TAC4: variants seen among roughly 807,000 people sequenced by gnomAD.
TAC4 encodes tachykinin-4.
TAC4 carries 17 observed loss-of-function variants against 17.7 expected under a neutral mutation model. The ratio of observed to expected loss-of-function variants is 0.96; its 90% CI spans 0.66 to 1.44. The LOEUF (loss-of-function observed/expected upper bound fraction) is 1.44. TAC4 is among the 40% of genes most tolerant of loss of function. The pLI, the probability that TAC4 is intolerant of heterozygous loss-of-function variation, is 0.00. For synonymous variants in TAC4, 62 were observed against 52.4 expected, an observed-to-expected ratio of 1.18 and a Z score of -0.79; for missense variants, 118 against 125.6, an observed-to-expected ratio of 0.94 and a Z score of 0.29.
chr17:49,846,918 C>T, intron 1 of TAC4: 1 of 1,270,606 alleles, frequency 7.9e-7, no homozygotes, highest in African/African-American at 1.5e-5. Context: ...TCACTTCCCT[C>T]CTCCGTTTTG....
chr17:49,842,270 C>T (rs1009169126), intron 2 of TAC4, among the ~76,000 whole-genome samples: 1 of 151,954 alleles, frequency 6.6e-6, no homozygotes, highest in African/African-American at 2.4e-5. Context: ...TTGGCTCACA[C>T]CTGTAATCCC....
In TAC4 at chr17:49,839,869, CTT is replaced by C; in HGVS notation, c.271_272del (p.Lys91GlufsTer11). 7.4e-6 allele frequency: 12 copies of C among 1,612,232 alleles called. No individual in the cohort carries two copies. Among genetic ancestry groups the C allele is most frequent in the Non-Finnish European group, 1.0e-5 (12 of 1,179,192 alleles). On this transcript the variant is annotated frameshift_variant, in exon 4 of 5. Coordinates refer to ENST00000436235, the MANE Select transcript of TAC4 (RefSeq NM_001077506.2). LOFTEE classifies it high-confidence loss of function. ...GCCTACCTTCTGTGAACAGGCTTCT[CTT>C]GCCCAGGAGGCCCTGGAACGTGTGT... ...LEHTFQGLLG[K>X]RSLFTEGRED... is the part of the protein sequence containing the mutation.
rs61625769 is a variant in TAC4 at position 49,838,597 on chromosome 17, G to C, written c.*45C>G. ...CTTGTCAGCTGTGACATCCAGGTAG[G>C]AAGAAGCGGCACCGTGTCCTCTGGG... On this transcript the variant is annotated 3_prime_UTR_variant, in exon 5 of 5. Coordinates refer to ENST00000436235, the MANE Select transcript of TAC4 (RefSeq NM_001077506.2). The C allele has an allele frequency of 5.8e-3, 9,299 of 1,613,170 alleles. 479 individuals carry two copies. In the East Asian group the frequency reaches 0.14, roughly 24 times the overall value.
chr17:49,846,389 G>A (rs925963723), intron 1 of TAC4: 5 of 458,298 alleles, frequency 1.1e-5, no homozygotes, highest in East Asian at 8.5e-5. Flanking sequence ...TGATCCTCCC[G>A]CCTCAGCCTT....
intron 1 of TAC4, among the ~76,000 whole-genome samples, chr17:49,844,979 G>A (rs4794068): frequency 0.23 from 35,506 of 152,152 alleles, 4,605 homozygotes; most frequent in East Asian, 0.48. Context: ...AAGGTCACAC[G>A]GGAAGAGGCT....
At chr17:49,847,197 T>C (rs1268854483) in intron 1 of TAC4, 2 of 1,290,184 alleles carry the variant, frequency 1.6e-6, no homozygotes, top group East Asian at 5.5e-5. Flanking sequence ...CCTTGTCCTG[T>C]CTGCCCCCCT....
intron 2 of TAC4, among the ~76,000 whole-genome samples, chr17:49,842,238 A>G (rs2074503865): frequency 6.6e-6 from 1 of 152,092 alleles, no homozygotes; most frequent in Admixed American, 6.6e-5. Flanking sequence ...TTGGAAAAGA[A>G]GTTTGAAATG....
chr17:49,847,206 CT>C (rs749664702), intron 1 of TAC4: 21 of 1,290,236 alleles, frequency 1.6e-5, no homozygotes, highest in South Asian at 6.2e-5. Flanking sequence ...GTCTGCCCCC[CT>C]GGAAGCCTTC....
chr17:49,843,891 A>T (rs564967913), intron 2 of TAC4, among the ~76,000 whole-genome samples, 173 bp downstream of exon 2: 1 of 152,180 alleles, frequency 6.6e-6, no homozygotes, highest in East Asian at 1.9e-4. Flanking sequence ...ACTGCCCCCC[A>T]GCCTGGATGA....
intron 2 of TAC4, among the ~76,000 whole-genome samples, 169 bp from the exon 3 acceptor site, chr17:49,841,753 G>A (rs1167100347): frequency 6.6e-6 from 1 of 152,040 alleles, no homozygotes; most frequent in African/African-American, 2.4e-5. Context: ...CTGGTAGGGG[G>A]CAGTGTGGAG....
At position 49,844,101 on chromosome 17, in the gene TAC4, T is replaced by C; in HGVS notation, c.162A>G (p.Ala54=). 1.2e-6 allele frequency: 2 copies of C among 1,614,020 alleles called. No individual in the cohort carries two copies. Among genetic ancestry groups the C allele is most frequent in the Non-Finnish European group, 1.7e-6 (2 of 1,179,856 alleles). The change falls in exon 2 of 5, where the codon GCA becomes GCG. Residue 54 remains alanine, a synonymous_variant. Transcript: ENST00000436235. ...LQLQEVKTGK[A]SQFFGLMGKR... is the part of the protein sequence containing the mutation. ...TCCCCATCAGCCCAAAGAACTGGCT[T>C]GCCTTGCCCGTCTTCACCTCCTGCA...
At chr17:49,840,154 C>T (rs777506412) in intron 3 of TAC4, among the ~76,000 whole-genome samples, 43 of 152,246 alleles carry the variant, frequency 2.8e-4, no homozygotes, top group Non-Finnish European at 6.2e-4. Context: ...TCTCCCTTCA[C>T]AAACGCCTGG....
At chr17:49,840,858 A>T (rs544185601) in intron 3 of TAC4, among the ~76,000 whole-genome samples, 1 of 148,694 alleles carries the variant, frequency 6.7e-6, no homozygotes, top group East Asian at 2.0e-4. Flanking sequence ...TGAAAGATTT[A>T]AGCAGAGTAG....
In TAC4 at chr17:49,844,059, C is replaced by G; in HGVS notation, c.199+5G>C. On this transcript the variant is annotated splice_donor_5th_base_variant and intron_variant, in intron 2 of 4. Coordinates refer to ENST00000436235, the MANE Select transcript of TAC4 (RefSeq NM_001077506.2). ...TTGCTGGGCTCCATTGTCATTGTCA[C>G]TCACCTCCCACTCGCTTCCCCATCA... 3.8e-6 allele frequency: 6 copies of G among 1,596,912 alleles called. No individual in the cohort carries two copies. Among genetic ancestry groups the G allele is most frequent in the Non-Finnish European group, 5.1e-6 (6 of 1,178,912 alleles).
chr17:49,840,533 G>A (rs1567873627), intron 3 of TAC4, among the ~76,000 whole-genome samples: 2 of 151,992 alleles, frequency 1.3e-5, no homozygotes, highest in African/African-American at 4.8e-5. Context: ...ATGGAGTCTC[G>A]CTCTTGTCGC....
At chr17:49,846,909 C>A in intron 1 of TAC4, 2 of 1,247,362 alleles carry the variant, frequency 1.6e-6, no homozygotes, top group Non-Finnish European at 2.1e-6. Flanking sequence ...CTTGGGGGGT[C>A]ACTTCCCTCC....
intron 3 of TAC4, 74 bp downstream of exon 3, chr17:49,841,478 C>T: frequency 1.4e-6 from 2 of 1,456,526 alleles, no homozygotes; most frequent in Non-Finnish European, 1.8e-6. Context: ...CCTCACCCAC[C>T]TGGTTTGTTT....
intron 1 of TAC4, chr17:49,847,418 G>A: frequency 2.0e-6 from 1 of 509,112 alleles, no homozygotes; most frequent in Non-Finnish European, 3.1e-6. Context: ...CCCCTTGAAA[G>A]AAAATTCTGG....
chr17:49,839,749 CCTGT>C (rs1455564584), intron 4 of TAC4, 97 bp downstream of exon 4: 11 of 1,118,688 alleles, frequency 9.8e-6, no homozygotes, highest in South Asian at 1.6e-5. Context: ...TTGTGGGGAG[CCTGT>C]CTGTCTAGCT....
Sources: gnomAD v4.1 joint callset for allele counts (sites outside exome capture counted in the v4.1 genomes callset) on GRCh38, gnomAD v4.1.1 for gene constraint, MANE v1.5 for transcripts, NCBI Gene and HGNC (gene_info 2026-07-23, HGNC 2026-07-21) for gene names.